The following QKI variants were observed in gnomAD, a reference collection of about 807,000 sequenced individuals.
QKI encodes QKI, KH domain containing RNA binding.
Under a neutral mutation model 39.0 loss-of-function variants are expected in QKI, and 10 were observed. The observed-to-expected ratio is 0.26, with a 90% CI of 0.16 to 0.43. The LOEUF is 0.43. QKI is among the 20% of genes least tolerant of loss of function. The pLI is 1.00. For synonymous variants in QKI, 204 were observed against 155.4 expected (o/e 1.31, Z -2.33); for missense variants, 218 against 428.0 (o/e 0.51, Z 4.33).
At chr6:163,495,616 C>G in intron 3 of QKI, among the ~76,000 whole-genome samples, 1 of 151,952 alleles carries the variant, frequency 6.6e-6, no homozygotes, top group East Asian at 1.9e-4. Context: ...TCAAATTTTC[C>G]AATTTTTCAT....
intron 3 of QKI, 161 bp from the exon 4 acceptor site, chr6:163,534,821 A>G (rs766958487): frequency 1.8e-4 from 98 of 547,792 alleles, no homozygotes; most frequent in Non-Finnish European, 2.6e-4. Flanking sequence ...CTCACATTCA[A>G]TCAAACTTTG....
chr6:163,415,121 C>G lies in QKI; in HGVS notation c.-73C>G. ...TCCCGAGCGGCCCGCGGCCGGGGCTCGCCCCCGCCCCTCCCTCCTCTCCGG... is the reference window on the plus strand; with the variant it reads ...TCCCGAGCGGCCCGCGGCCGGGGCTGGCCCCCGCCCCTCCCTCCTCTCCGG... On this transcript the variant is annotated 5_prime_UTR_variant, in exon 1 of 8. Transcript: ENST00000361752. 1 of 1,125,992 alleles carries G rather than the reference C, an allele frequency of 8.9e-7. No individual in the cohort carries two copies. The highest frequency in any genetic ancestry group is 2.9e-5 in the South Asian group (1 of 34,206). The allele number at this position is 1,125,992 out of a possible 1,614,324, so 69.8% of individuals were successfully genotyped here. A position where few individuals can be genotyped will look rare whatever the true frequency, so the allele number is the denominator to read the frequency against.
At chr6:163,480,633 G>A (rs1456154679) in intron 3 of QKI, among the ~76,000 whole-genome samples, 1 of 152,076 alleles carries the variant, frequency 6.6e-6, no homozygotes, top group Non-Finnish European at 1.5e-5. Flanking sequence ...AGTTCTCCTT[G>A]AGCAATTTTA....
chr6:163,570,596 T>A, intron 7 of QKI, 98 bp from the exon 8 acceptor site: 1 of 1,570,002 alleles, frequency 6.4e-7, no homozygotes, highest in Non-Finnish European at 8.5e-7. Context: ...GATTAGTTTT[T>A]CATGTTGTCA....
rs1783817137 is a variant in QKI at position 163,573,488 on chromosome 6, T to C, written c.*2778T>C. On this transcript the variant is annotated 3_prime_UTR_variant, in exon 8 of 8. Coordinates refer to ENST00000361752, the MANE Select transcript of QKI (RefSeq NM_006775.3). Reference sequence around the variant, plus strand: ...TACAGCCATTGTTACAAGTTTATAATGTATTTTTCTATCTTGTTTTATATG... The same window carrying C: ...TACAGCCATTGTTACAAGTTTATAACGTATTTTTCTATCTTGTTTTATATG... The C allele has an allele frequency of 2.0e-5, 3 of 152,350 alleles. No individual in the cohort carries two copies. In the South Asian group the frequency reaches 6.2e-4, roughly 32 times the overall value. The allele number at this position is 152,350 out of a possible 1,614,324, so 9.4% of individuals were successfully genotyped here. A position where few individuals can be genotyped will look rare whatever the true frequency, so the allele number is the denominator to read the frequency against.
At chr6:163,554,577 T>C (rs1358533974) in intron 4 of QKI, among the ~76,000 whole-genome samples, 2 of 152,244 alleles carry the variant, frequency 1.3e-5, no homozygotes, top group African/African-American at 2.4e-5. Flanking sequence ...TCCACTTAGG[T>C]GTTTAAGATA....
chr6:163,540,658 C>T (rs1014312991), intron 4 of QKI, among the ~76,000 whole-genome samples: 1 of 152,090 alleles, frequency 6.6e-6, no homozygotes, highest in African/African-American at 2.4e-5. Context: ...TAATCACACA[C>T]CATTTATTAG....
intron 3 of QKI, among the ~76,000 whole-genome samples, chr6:163,488,579 C>T (rs1362573966): frequency 6.6e-6 from 1 of 152,084 alleles, no homozygotes. Context: ...AAAAGGAATA[C>T]AAAGCAGTCT....
intron 2 of QKI, among the ~76,000 whole-genome samples, chr6:163,468,316 A>G (rs1791930847): frequency 6.6e-6 from 1 of 152,200 alleles, no homozygotes; most frequent in African/African-American, 2.4e-5. Context: ...GCATTTTTTA[A>G]ATGAAAACTT....
At chr6:163,466,836 A>T (rs73244765) in intron 2 of QKI, among the ~76,000 whole-genome samples, 3,080 of 152,256 alleles carry the variant, frequency 0.02, 102 homozygotes, top group African/African-American at 0.07. Context: ...TCTAGATATT[A>T]CACCCAAAAA....
intron 3 of QKI, among the ~76,000 whole-genome samples, chr6:163,516,886 T>C (rs767836513): frequency 1.2e-4 from 19 of 152,172 alleles, no homozygotes; most frequent in Non-Finnish European, 2.6e-4. Context: ...GAAACACATA[T>C]CATAATGTTA....
At chr6:163,472,149 C>T (rs537559223) in intron 2 of QKI, among the ~76,000 whole-genome samples, 58 of 152,060 alleles carry the variant, frequency 3.8e-4, no homozygotes, top group African/African-American at 1.2e-3. Flanking sequence ...GAAGCCTTAC[C>T]GATAACATAA....
At chr6:163,475,550 C>A (rs1792525565) in intron 2 of QKI, among the ~76,000 whole-genome samples, 1 of 152,098 alleles carries the variant, frequency 6.6e-6, no homozygotes. Context: ...CAATCCCCCC[C>A]ACCCCAGATA....
At chr6:163,485,587 A>C (rs1005367199) in intron 3 of QKI, among the ~76,000 whole-genome samples, 1 of 151,736 alleles carries the variant, frequency 6.6e-6, no homozygotes, top group Non-Finnish European at 1.5e-5. Context: ...CTTCTCATAA[A>C]CAAGAGGAGA....
intron 3 of QKI, among the ~76,000 whole-genome samples, chr6:163,520,527 GA>G (rs929959484): frequency 2.3e-4 from 34 of 150,204 alleles, no homozygotes; most frequent in Admixed American, 1.5e-3. Context: ...CAAAACTATA[GA>G]AAAAAAAAGG....
rs2128254547 is a variant in QKI at position 163,575,857 on chromosome 6, T to C, written c.*5147T>C. 1 of 152,220 alleles carries C rather than the reference T, an allele frequency of 6.6e-6. No homozygotes were observed. The allele number at this position is 152,220 out of a possible 1,614,324, so 9.4% of individuals were successfully genotyped here. A position where few individuals can be genotyped will look rare whatever the true frequency, so the allele number is the denominator to read the frequency against. On this transcript the variant is annotated 3_prime_UTR_variant, in exon 8 of 8. Coordinates refer to ENST00000361752, the MANE Select transcript of QKI (RefSeq NM_006775.3). ...TCACGTGTGACAGCCTAAGGTTTCT[T>C]TAGTTTTAGGATGGGGTGGGGTGGG...
intron 3 of QKI, among the ~76,000 whole-genome samples, chr6:163,502,062 C>T (rs923128589): frequency 1.3e-5 from 2 of 152,150 alleles, no homozygotes; most frequent in Non-Finnish European, 2.9e-5. Flanking sequence ...GTGCCTCACA[C>T]CTGTAATCCC....
intron 3 of QKI, among the ~76,000 whole-genome samples, chr6:163,495,212 G>T (rs1778332111): frequency 6.6e-6 from 1 of 152,166 alleles, no homozygotes; most frequent in Non-Finnish European, 1.5e-5. Context: ...ACCGCGCTTG[G>T]CCTAAATAAG....
At position 163,492,877 on chromosome 6, in the gene QKI, C is replaced by CT. The variant is rs1467630955; in HGVS notation, c.402+13984dup. On this transcript the variant is annotated intron_variant, in intron 3 of 7. Coordinates refer to ENST00000361752, the MANE Select transcript of QKI (RefSeq NM_006775.3). ...GTTTAAGATTTAAGACGAGTAAGTA[C>CT]TTTAAAAGGAGTCAAAAGAAGTGAA... 2.0e-5 allele frequency among the ~76,000 whole-genome samples: 3 copies of CT among 152,144 alleles called. No individual in the cohort carries two copies. The South Asian group carries it at 6.2e-4, about 32-fold the overall frequency.
Sources: gnomAD v4.1 joint callset for allele counts (sites outside exome capture counted in the v4.1 genomes callset) on GRCh38, gnomAD v4.1.1 for gene constraint, MANE v1.5 for transcripts, NCBI Gene and HGNC (gene_info 2026-07-23, HGNC 2026-07-21) for gene names.